Variants in MAD1L1 observed in about 807,000 individuals in gnomAD.
The protein encoded by MAD1L1 is mitotic arrest deficient 1 like 1.
Under a neutral mutation model 96.9 loss-of-function variants are expected in MAD1L1, and 95 were observed. The observed-to-expected ratio is 0.98, with a 90% CI of 0.83 to 1.16. The LOEUF (loss-of-function observed/expected upper bound fraction) is 1.16, where lower values mean the gene tolerates loss of function less well. Ranked by LOEUF, MAD1L1 falls within the 50% of genes most tolerant of loss-of-function variation. The pLI is 0.00. For missense variants in MAD1L1, 1,007 were observed against 954.4 expected (o/e 1.06, Z -0.73); for synonymous variants, 473 against 396.6 (o/e 1.19, Z -2.29).
rs545974541 is a variant in MAD1L1, at chr7:2,012,984, G to A, written c.1359+1518C>T. Among the ~76,000 whole-genome samples, 24 of 152,328 alleles carry A rather than the reference G, an allele frequency of 1.6e-4. No individual in the cohort carries two copies. The South Asian group carries it at 1.9e-3, about 12-fold the overall frequency. ...ACAGCTGCTGGGACGCCCATGCAGC[G>A]CAGCTCCCTGAGACCCTCCATTACA... On this transcript the variant is annotated intron_variant, in intron 13 of 18. Coordinates refer to ENST00000265854, the MANE Select transcript of MAD1L1 (RefSeq NM_001013836.2).
At chr7:1,828,722 G>T (rs1413833804) in intron 18 of MAD1L1, among the ~76,000 whole-genome samples, 2 of 143,232 alleles carry the variant, frequency 1.4e-5, no homozygotes, top group African/African-American at 4.9e-5. Flanking sequence ...TGCATGCACA[G>T]GCACACGCAC....
intron 18 of MAD1L1, among the ~76,000 whole-genome samples, chr7:1,833,425 GTAA>G (rs1782800769): frequency 1.3e-5 from 2 of 152,222 alleles, no homozygotes; most frequent in African/African-American, 4.8e-5. Context: ...AGAGAAATCT[GTAA>G]TAATAGTCAG....
chr7:1,866,470 A>G (rs953574197), intron 18 of MAD1L1, among the ~76,000 whole-genome samples: 1 of 152,060 alleles, frequency 6.6e-6, no homozygotes, highest in African/African-American at 2.4e-5. Flanking sequence ...AAGAGATGAG[A>G]GCGAGCTCCA....
rs201332815 is a variant in MAD1L1, at chr7:1,898,347, C to A, written c.1851G>T (p.Arg617=). 1 of 1,614,058 alleles carries A rather than the reference C, an allele frequency of 6.2e-7. No individual in the cohort carries two copies. The highest frequency in any genetic ancestry group is 1.1e-5 in the South Asian group (1 of 91,058). ...TCTTGGTCTGGAAAACCTCCTTGAGCCGCTGGTTCTTCAGCTCGGCACTCT... is the reference window on the plus strand; with the variant it reads ...TCTTGGTCTGGAAAACCTCCTTGAGACGCTGGTTCTTCAGCTCGGCACTCT... ...QVESAELKNQ[R]LKEVFQTKIQ... is the part of the protein sequence containing the mutation. The change falls in exon 18 of 19, where the codon CGG becomes CGT. Residue 617 remains arginine, a synonymous_variant. Transcript: ENST00000265854.
intron 15 of MAD1L1, among the ~76,000 whole-genome samples, chr7:1,960,118 T>C (rs974170602): frequency 5.3e-5 from 8 of 151,996 alleles, no homozygotes; most frequent in Non-Finnish European, 8.8e-5. Context: ...AGGTAGGCTG[T>C]GGTAAGTTAA....
chr7:2,002,207 C>G, intron 13 of MAD1L1, 86 bp from the exon 14 acceptor site: 1 of 1,310,080 alleles, frequency 7.6e-7, no homozygotes, highest in Non-Finnish European at 1.1e-6. Context: ...CCCCACCACC[C>G]CGCAGCCTCC....
chr7:1,901,199 T>A (rs1173804776), intron 17 of MAD1L1, among the ~76,000 whole-genome samples: 1 of 152,212 alleles, frequency 6.6e-6, no homozygotes, highest in Non-Finnish European at 1.5e-5. Flanking sequence ...CTGACCCCCC[T>A]TTATCCCTGT....
intron 14 of MAD1L1, among the ~76,000 whole-genome samples, chr7:1,986,547 T>C (rs1417133675): frequency 6.7e-6 from 1 of 149,616 alleles, no homozygotes; most frequent in Non-Finnish European, 1.5e-5. Flanking sequence ...GCAAGGGGGT[T>C]CTACTCCGCG....
At chr7:1,915,418 G>A (rs1159016526) in intron 17 of MAD1L1, among the ~76,000 whole-genome samples, 1 of 152,174 alleles carries the variant, frequency 6.6e-6, no homozygotes, top group Non-Finnish European at 1.5e-5. Context: ...CGCTTCCCGG[G>A]ACAGAAAGCT....
Position 1,936,859 on chromosome 7 carries a change from C to A in MAD1L1, c.1635G>T (p.Met545Ile). The A allele has an allele frequency of 3.7e-6, 6 of 1,606,364 alleles. No homozygotes were observed. The highest frequency in any genetic ancestry group is 5.1e-6 in the Non-Finnish European group (6 of 1,176,714). ...TGGCCACACTGGTGGGGTTCAGGCT[C>A]ATGTGCAGCACTTTGGTCCTGCTCT... ...YDQSRTKVLHMSLNPTSVARQ... is the reference protein window; with the variant it reads ...YDQSRTKVLHISLNPTSVARQ... The change falls in exon 17 of 19, where the codon ATG becomes ATT. Residue 545 changes from methionine (M) to isoleucine (I), a missense_variant. By Grantham distance (10) the Met-to-Ile change is conservative. Coordinates refer to ENST00000265854, the MANE Select transcript of MAD1L1 (RefSeq NM_001013836.2).
chr7:1,980,594 G>T, intron 14 of MAD1L1, 53 bp from the exon 15 acceptor site: 1 of 1,464,822 alleles, frequency 6.8e-7, no homozygotes. Context: ...ACCCAGGTGT[G>T]TGGGGAACCC....
chr7:1,888,778 T>C (rs1786350400), intron 18 of MAD1L1, among the ~76,000 whole-genome samples: 1 of 151,898 alleles, frequency 6.6e-6, no homozygotes, highest in Admixed American at 6.5e-5. Flanking sequence ...TGTGGTTTCA[T>C]GTGTGTGTCA....
At chr7:1,975,384 G>T (rs961188878) in intron 15 of MAD1L1, among the ~76,000 whole-genome samples, 1 of 152,192 alleles carries the variant, frequency 6.6e-6, no homozygotes, top group Non-Finnish European at 1.5e-5. Flanking sequence ...CAGCCAGCAG[G>T]TTCTCCACGG....
chr7:2,039,883 T>A (rs767168446), intron 12 of MAD1L1, among the ~76,000 whole-genome samples: 4 of 151,998 alleles, frequency 2.6e-5, no homozygotes, highest in Non-Finnish European at 5.9e-5. Flanking sequence ...CAACTTCAGT[T>A]GACCCAAGCA....
chr7:2,227,249 T>C (rs553511702), intron 3 of MAD1L1, among the ~76,000 whole-genome samples: 69 of 152,212 alleles, frequency 4.5e-4, no homozygotes, highest in Admixed American at 1.6e-3. Flanking sequence ...TGAGCCAACA[T>C]TGTACCACTG....
chr7:1,942,345 A>G (rs1231928915), intron 16 of MAD1L1, among the ~76,000 whole-genome samples: 1 of 152,202 alleles, frequency 6.6e-6, no homozygotes, highest in African/African-American at 2.4e-5. Flanking sequence ...CCGTGCCCCA[A>G]GGTGGCTGGG....
At chr7:1,871,770 C>T (rs1426751816) in intron 18 of MAD1L1, among the ~76,000 whole-genome samples, 2 of 151,918 alleles carry the variant, frequency 1.3e-5, no homozygotes, top group Non-Finnish European at 2.9e-5. Flanking sequence ...ACCCAACATA[C>T]GCCTGCCACT....
At chr7:1,888,199 T>C (rs1348137455) in intron 18 of MAD1L1, among the ~76,000 whole-genome samples, 4 of 145,822 alleles carry the variant, frequency 2.7e-5, no homozygotes, top group Admixed American at 6.9e-5. Flanking sequence ...TGCATGTATG[T>C]GGCTGCCTGT....
rs1028778460 is a variant in MAD1L1, at chr7:2,119,839, G to A, written c.1073+29313C>T. Among the ~76,000 whole-genome samples, 1 of 152,142 alleles carries A rather than the reference G, an allele frequency of 6.6e-6. No individual in the cohort carries two copies. Among genetic ancestry groups the A allele is most frequent in the African/African-American group, 2.4e-5 (1 of 41,422 alleles). ...CAGACCCCTAGGCTCTTTCCTGCTG[G>A]CTCCTCGCTGGGGTCCAGGACTCTG... On this transcript the variant is annotated intron_variant, in intron 11 of 18. Coordinates refer to ENST00000265854, the MANE Select transcript of MAD1L1 (RefSeq NM_001013836.2). The surrounding 1 kb of genome is among the most constrained non-coding windows in gnomAD (Gnocchi z 4.6).
Sources: allele counts gnomAD v4.1 joint callset (sites outside exome capture counted in the v4.1 genomes callset), GRCh38; gene constraint gnomAD v4.1.1; non-coding constraint Gnocchi (gnomAD v3.1); transcripts MANE v1.5; gene names NCBI Gene and HGNC (gene_info 2026-07-23, HGNC 2026-07-21).